Variants in HMGN5 observed in about 807,000 individuals in gnomAD.
The protein encoded by HMGN5 is high mobility group nucleosome binding domain 5.
In HMGN5, 4 loss-of-function variants were observed where a neutral mutation model predicts 9.5. That is an observed-to-expected ratio of 0.42 (90% CI 0.21 to 0.96). HMGN5 has a LOEUF of 0.96. HMGN5 is among the 40% of genes least tolerant of loss of function. HMGN5 has a pLI of 0.30. For synonymous variants in HMGN5, 55 were observed against 57.1 expected (o/e 0.96, Z 0.16); for missense variants, 192 against 187.5 (o/e 1.02, Z -0.14).
chrX:81,189,024 C>A (rs1457766075), intron 1 of HMGN5, among the ~76,000 whole-genome samples: 1 of 111,673 alleles, frequency 9.0e-6, no homozygotes, highest in African/African-American at 3.3e-5. Context: ...GACTGAAGTC[C>A]TCCTTTTAGC....
intron 1 of HMGN5, among the ~76,000 whole-genome samples, chrX:81,182,433 G>A (rs1422408271): frequency 8.9e-6 from 1 of 111,965 alleles, no homozygotes; most frequent in Non-Finnish European, 1.9e-5. Flanking sequence ...TGGAAGTGGG[G>A]CCTGGTGGCA....
intron 1 of HMGN5, among the ~76,000 whole-genome samples, chrX:81,145,168 A>C (rs182840121): frequency 1.8e-5 from 2 of 111,855 alleles, no homozygotes; most frequent in Admixed American, 1.9e-4. Context: ...CATTTTCCTC[A>C]AGAAGAGCAA....
intron 1 of HMGN5, among the ~76,000 whole-genome samples, chrX:81,186,786 A>T (rs1347695458): frequency 9.0e-6 from 1 of 111,476 alleles, no homozygotes; most frequent in Non-Finnish European, 1.9e-5. Context: ...CATCTTTACA[A>T]TAAATTATTA....
chrX:81,122,010 C>T (rs778492635), intron 1 of HMGN5, among the ~76,000 whole-genome samples: 1 of 111,272 alleles, frequency 9.0e-6, no homozygotes, highest in South Asian at 3.7e-4. Flanking sequence ...TTGCTTTCTT[C>T]ACAGCCTCCA....
chrX:81,136,719 A>C (rs1008672358), intron 1 of HMGN5, among the ~76,000 whole-genome samples: 9 of 111,571 alleles, frequency 8.1e-5, no homozygotes, highest in Admixed American at 4.8e-4. Flanking sequence ...AATAACCTTA[A>C]ATGTAAACAG....
intron 1 of HMGN5, among the ~76,000 whole-genome samples, chrX:81,130,283 GT>G (rs2075295002): frequency 9.0e-6 from 1 of 111,398 alleles, no homozygotes; most frequent in Non-Finnish European, 1.9e-5. Flanking sequence ...CTAGTTGTAT[GT>G]AATTAGTAAG....
chrX:81,189,144 T>A (rs1407744086), intron 1 of HMGN5, among the ~76,000 whole-genome samples: 1 of 111,885 alleles, frequency 8.9e-6, no homozygotes, highest in Admixed American at 9.5e-5. Context: ...GAATATACTA[T>A]TCTAGAGTAA....
At chrX:81,177,771 G>A (rs1274267248) in intron 1 of HMGN5, among the ~76,000 whole-genome samples, 1 of 111,446 alleles carries the variant, frequency 9.0e-6, no homozygotes, top group East Asian at 2.8e-4. Flanking sequence ...ATTTTTCTCA[G>A]CACCACATCA....
At chrX:81,187,536 T>C (rs1268640704) in intron 1 of HMGN5, among the ~76,000 whole-genome samples, 1 of 111,946 alleles carries the variant, frequency 8.9e-6, no homozygotes, top group African/African-American at 3.2e-5. Flanking sequence ...TCTTTTTTTG[T>C]TTCCATTGGT....
chrX:81,151,179 TC>T (rs2075360973), intron 1 of HMGN5, among the ~76,000 whole-genome samples: 1 of 112,069 alleles, frequency 8.9e-6, no homozygotes, highest in African/African-American at 3.2e-5. Context: ...TAGCCAGTTT[TC>T]CCAGCACCAT....
chrX:81,158,768 G>A (rs1224619615), intron 1 of HMGN5, among the ~76,000 whole-genome samples: 1 of 111,870 alleles, frequency 8.9e-6, no homozygotes, highest in Non-Finnish European at 1.9e-5. Flanking sequence ...GTATTGCCTA[G>A]ATTTTCTTCT....
chrX:81,199,356 T>G (rs1167045835), intron 1 of HMGN5, among the ~76,000 whole-genome samples: 1 of 112,528 alleles, frequency 8.9e-6, no homozygotes, highest in African/African-American at 3.2e-5. Context: ...AATGACTTTC[T>G]TCACAGAATT....
At position 81,190,591 on chromosome X, in the gene HMGN5, C is replaced by T. The variant is rs1450336432; in HGVS notation, c.-124+11146G>A. ...GTTAATTTTAATGATGTTAAGGTTA[C>T]GGATTATTTCTTTTATGGACTGTGG... On this transcript the variant is annotated intron_variant, in intron 1 of 6. Transcript: ENST00000358130. Among the ~76,000 whole-genome samples the T allele has an allele frequency of 4.5e-5, 5 of 111,238 alleles. No individual in the cohort carries two copies. In the South Asian group the frequency reaches 1.1e-3, roughly 25 times the overall value.
intron 1 of HMGN5, among the ~76,000 whole-genome samples, chrX:81,184,799 TC>T (rs2075472691): frequency 9.0e-6 from 1 of 111,702 alleles, no homozygotes; most frequent in Admixed American, 9.5e-5. Context: ...AATTGATTTT[TC>T]TATGTGGCAA....
At chrX:81,163,704 A>G (rs1485548654) in intron 1 of HMGN5, among the ~76,000 whole-genome samples, 2 of 111,872 alleles carry the variant, frequency 1.8e-5, no homozygotes, top group Non-Finnish European at 3.8e-5. Context: ...TCTCATAAGT[A>G]ATATTGTCTC....
rs2075247345 is a variant in HMGN5, at chrX:81,114,660, T to G, written c.838A>C (p.Ser280Arg). The G allele has an allele frequency of 8.8e-7, 1 of 1,135,713 alleles. No individual in the cohort carries two copies. The highest frequency in any genetic ancestry group is 3.2e-5 in the Admixed American group (1 of 31,422). 93.6% of individuals were successfully genotyped at this position (1,135,713 alleles called of 1,213,427 possible). A position where few individuals can be genotyped will look rare whatever the true frequency, so the allele number is the denominator to read the frequency against. The change falls in exon 7 of 7, where the codon AGT (serine) becomes CGT (arginine). Residue 280 changes from serine to arginine, a missense_variant. By Grantham distance (110) the Ser-to-Arg change is moderately radical. Coordinates refer to ENST00000358130, the MANE Select transcript of HMGN5 (RefSeq NM_030763.3). ...TACATAGGGCAGTTTTAAACAATACTCTGTGGCTCCTCTTTTTTTCCATCA... is the reference window on the plus strand; with the variant it reads ...TACATAGGGCAGTTTTAAACAATACGCTGTGGCTCCTCTTTTTTTCCATCA... ...EDDGKKEEPQ[S>R]IV
At chrX:81,140,705 C>T (rs944247620) in intron 1 of HMGN5, among the ~76,000 whole-genome samples, 1 of 111,279 alleles carries the variant, frequency 9.0e-6, no homozygotes, top group African/African-American at 3.3e-5. Flanking sequence ...AGACTTTCTG[C>T]CTTCAGGTGA....
chrX:81,118,365 G>T, intron 5 of HMGN5, 67 bp downstream of exon 5: 1 of 629,468 alleles, frequency 1.6e-6, no homozygotes, highest in Admixed American at 3.2e-5. Context: ...TCAGCTGTAT[G>T]CCATTTCAAA....
intron 1 of HMGN5, among the ~76,000 whole-genome samples, chrX:81,178,715 T>C (rs934577842): frequency 4.2e-4 from 47 of 111,790 alleles, no homozygotes; most frequent in African/African-American, 1.4e-3. Flanking sequence ...GCCAACATCA[T>C]CTTGATACCA....
Sources: allele counts gnomAD v4.1 joint callset (sites outside exome capture counted in the v4.1 genomes callset), GRCh38; gene constraint gnomAD v4.1.1; transcripts MANE v1.5; gene names NCBI Gene and HGNC (gene_info 2026-07-23, HGNC 2026-07-21).